PLA2G4D: variants seen among roughly 807,000 people sequenced by gnomAD.
PLA2G4D encodes phospholipase A2 group IVD.
A neutral mutation model predicts 94.4 loss-of-function variants in PLA2G4D; 80 were observed. The observed-to-expected ratio is 0.85, with a 90% CI of 0.71 to 1.02. The LOEUF (loss-of-function observed/expected upper bound fraction) is 1.02, where lower values mean the gene tolerates loss of function less well. Among genes scored for constraint, PLA2G4D ranks in the 50% least tolerant of loss-of-function variants. The pLI, the probability that PLA2G4D is intolerant of heterozygous loss-of-function variation, is 0.00. For synonymous variants in PLA2G4D, 438 were observed against 440.9 expected, an observed-to-expected ratio of 0.99 and a Z score of 0.08; for missense variants, 1,050 against 1,034.7, an observed-to-expected ratio of 1.01 and a Z score of -0.20.
Position 42,079,675 on chromosome 15 carries a change from G to A in PLA2G4D, c.1179C>T (p.Ala393=). The A allele has an allele frequency of 6.2e-7, 1 of 1,612,986 alleles. No homozygotes were observed. ...GPIRYAREHL[A]KSKLEVFSPE... ...GGGAAAAGACCTCCAGCTTGCTCTT[G>A]GCCAGGTGCTCCCGGGCGTATCTGA... The change falls in exon 13 of 20, where the codon GCC becomes GCT. Residue 393 remains alanine, a synonymous_variant. Coordinates refer to ENST00000290472, the MANE Select transcript of PLA2G4D (RefSeq NM_178034.4).
chr15:42,093,249 A>G (rs908989200), intron 1 of PLA2G4D, among the ~76,000 whole-genome samples: 1 of 152,220 alleles, frequency 6.6e-6, no homozygotes, highest in Non-Finnish European at 1.5e-5. Flanking sequence ...TGTGAATGCC[A>G]GCTGGAGGCG....
In PLA2G4D at chr15:42,070,095, C is replaced by T; in HGVS notation, c.2044G>A (p.Ala682Thr). The change falls in exon 19 of 20, where the codon GCA becomes ACA. Residue 682 changes from alanine (A) to threonine (T), a missense_variant and splice_region_variant. Coordinates refer to ENST00000290472, the MANE Select transcript of PLA2G4D (RefSeq NM_178034.4). ...FDYSLSAPFE[A>T]LQQTELYCRA... ...CAGTACAGCTCCGTCTGCTGCAGTG[C>T]CTGGTGGGGAGAAGGTGGCCCGGAG... 1.3e-6 allele frequency: 2 copies of T among 1,503,930 alleles called. No individual in the cohort carries two copies. Among genetic ancestry groups the T allele is most frequent in the South Asian group, 2.6e-5 (2 of 76,890 alleles). The allele number at this position is 1,503,930 out of a possible 1,614,324, so 93.2% of individuals were successfully genotyped here.
chr15:42,077,772 C>T (rs111477423), intron 13 of PLA2G4D, among the ~76,000 whole-genome samples: 23 of 152,368 alleles, frequency 1.5e-4, no homozygotes, highest in Non-Finnish European at 2.4e-4. Flanking sequence ...CCAGGGCCTA[C>T]GCCCATAACA....
chr15:42,089,978 C>T (rs113126509), intron 1 of PLA2G4D, among the ~76,000 whole-genome samples: 2,974 of 152,258 alleles, frequency 0.02, 102 homozygotes, highest in African/African-American at 0.068. Flanking sequence ...AGAAAAATCC[C>T]GATTCTCTTC....
At chr15:42,091,139 T>C (rs773723815) in intron 1 of PLA2G4D, among the ~76,000 whole-genome samples, 1 of 152,150 alleles carries the variant, frequency 6.6e-6, no homozygotes, top group Non-Finnish European at 1.5e-5. Context: ...GTACTAACCA[T>C]ATTACCTACC....
At position 42,081,005 on chromosome 15, in the gene PLA2G4D, G is replaced by C; in HGVS notation, c.1086C>G (p.Gly362=). 1 of 1,613,942 alleles carries C rather than the reference G, an allele frequency of 6.2e-7. No homozygotes were observed. Among genetic ancestry groups the C allele is most frequent in the Non-Finnish European group, 8.5e-7 (1 of 1,179,900 alleles). Residue 362 remains glycine (G), a synonymous_variant, in exon 12 of 20, where the codon GGC becomes GGG. Transcript: ENST00000290472. ...DCVTYFSGIS[G]STWTMAHLYG... ...TCCCCCAGGATCCTCACCACGTAGAGCCAGAGATGCCACTGAAGTAGGTCA... is the reference window on the plus strand; with the variant it reads ...TCCCCCAGGATCCTCACCACGTAGACCCAGAGATGCCACTGAAGTAGGTCA...
Position 42,070,825 on chromosome 15 carries a change from C to G in PLA2G4D, c.1935G>C (p.Leu645=). The G allele has an allele frequency of 6.2e-7, 1 of 1,611,178 alleles. No homozygotes were observed. The highest frequency in any genetic ancestry group is 1.1e-5 in the South Asian group (1 of 90,218). ...TGTTGATGAAGTAGGCGGCGTCCACCAGGCAGAGCCGGGGCTCCTTGGGGG... is the reference window on the plus strand; with the variant it reads ...TGTTGATGAAGTAGGCGGCGTCCACGAGGCAGAGCCGGGGCTCCTTGGGGG... The part of the protein sequence containing the change: ...QLTPKEPRLC[L]VDAAYFINTS... The change falls in exon 18 of 20, where the codon CTG becomes CTC. Residue 645 remains leucine, a synonymous_variant. Transcript: ENST00000290472.
At chr15:42,070,679 G>A in intron 18 of PLA2G4D, 38 bp downstream of exon 18, 11 of 1,540,934 alleles carry the variant, frequency 7.1e-6, no homozygotes, top group Non-Finnish European at 9.7e-6. Context: ...AGCTTGGCCT[G>A]GCTGGGCAGA....
At chr15:42,092,815 C>T (rs894522066) in intron 1 of PLA2G4D, among the ~76,000 whole-genome samples, 41 of 152,192 alleles carry the variant, frequency 2.7e-4, no homozygotes, top group African/African-American at 9.7e-4. Context: ...GGAGATGTGG[C>T]CCAAGAGAGC....
Position 42,083,713 on chromosome 15 carries a change from C to A in PLA2G4D, c.535+3G>T. On this transcript the variant is annotated splice_donor_region_variant and intron_variant, in intron 7 of 19. Transcript: ENST00000290472. Reference sequence around the variant, plus strand: ...TCCAGGCCTGGTTCTAAGCTGGTCTCACCTGCAACCACAGCGGTGCTCCCT... The same window carrying A: ...TCCAGGCCTGGTTCTAAGCTGGTCTAACCTGCAACCACAGCGGTGCTCCCT... 6.2e-7 allele frequency: 1 copy of A among 1,614,018 alleles called. No homozygotes were observed. Among genetic ancestry groups the A allele is most frequent in the Non-Finnish European group, 8.5e-7 (1 of 1,179,998 alleles).
chr15:42,087,289 CG>C lies in PLA2G4D; in HGVS notation c.255+10del, dbSNP rs771451923. On this transcript the variant is annotated intron_variant, in intron 3 of 19. Coordinates refer to ENST00000290472, the MANE Select transcript of PLA2G4D (RefSeq NM_178034.4). ...TTCACAAGGGAGTGGCCAGGAGTCC[CG>C]GGCCTTCACCTTGACCTGACTTTGG... 3.7e-6 allele frequency: 6 copies of C among 1,613,832 alleles called. No individual in the cohort carries two copies. In the African/African-American group the frequency reaches 8.0e-5, roughly 22 times the overall value.
Position 42,082,402 on chromosome 15 carries a change from C to T in PLA2G4D, c.673-13G>A. On this transcript the variant is annotated splice_polypyrimidine_tract_variant and intron_variant, in intron 8 of 19. Coordinates refer to ENST00000290472, the MANE Select transcript of PLA2G4D (RefSeq NM_178034.4). ...TGCTTCTGGAGCTCTGAAGGGAAAGCATCATTCATTCATTCATTCATTCAT... is the reference window on the plus strand; with the variant it reads ...TGCTTCTGGAGCTCTGAAGGGAAAGTATCATTCATTCATTCATTCATTCAT... The T allele has an allele frequency of 6.4e-7, 1 of 1,574,760 alleles. No individual in the cohort carries two copies. Among genetic ancestry groups the T allele is most frequent in the Non-Finnish European group, 8.7e-7 (1 of 1,145,142 alleles).
At chr15:42,083,567 G>C in intron 7 of PLA2G4D, 149 bp downstream of exon 7, 1 of 1,102,216 alleles carries the variant, frequency 9.1e-7, no homozygotes, top group Non-Finnish European at 1.3e-6. Flanking sequence ...CTGCCCAGCG[G>C]AGATGCGTGG....
Position 42,081,460 on chromosome 15 carries a change from T to C in PLA2G4D, c.957+19A>G. The stretch of plus-strand genomic sequence containing the variant: ...CCCGTCCAGGATATCTGCACACACA[T>C]CCCTCTGCACCCCCAGACCTCATCC... On this transcript the variant is annotated intron_variant, in intron 11 of 19. Transcript: ENST00000290472. 2 of 1,610,334 alleles carry C rather than the reference T, an allele frequency of 1.2e-6. No individual in the cohort carries two copies. Among genetic ancestry groups the C allele is most frequent in the Middle Eastern group, 1.7e-4 (1 of 6,040 alleles).
chr15:42,071,703 G>C, intron 15 of PLA2G4D, 71 bp downstream of exon 15: 1 of 1,548,188 alleles, frequency 6.5e-7, no homozygotes. Flanking sequence ...CCCCACCTGA[G>C]CTACAGGACC....
At chr15:42,085,606 G>A (rs1028321872) in intron 4 of PLA2G4D, 75 bp from the exon 5 acceptor site, 29 of 1,456,398 alleles carry the variant, frequency 2.0e-5, no homozygotes, top group Non-Finnish European at 2.7e-5. Context: ...TTTTACAGGT[G>A]TCATCTCATC....
At chr15:42,087,929 A>G (rs1890183718) in intron 1 of PLA2G4D, among the ~76,000 whole-genome samples, 1 of 152,222 alleles carries the variant, frequency 6.6e-6, no homozygotes, top group South Asian at 2.1e-4. Context: ...GCACACCCAG[A>G]TGTGGAATTT....
intron 11 of PLA2G4D, 129 bp from the exon 12 acceptor site, chr15:42,081,262 G>A (rs1187957104): frequency 1.4e-6 from 2 of 1,463,436 alleles, no homozygotes; most frequent in East Asian, 2.3e-5. Flanking sequence ...TAGAGTCAGG[G>A]TTAGAGCTGG....
chr15:42,084,660 C>A lies in PLA2G4D; in HGVS notation c.471+436G>T, dbSNP rs1004077772. 6.6e-6 allele frequency among the ~76,000 whole-genome samples: 1 copy of A among 152,156 alleles called. No homozygotes were observed. Among genetic ancestry groups the A allele is most frequent in the African/African-American group, 2.4e-5 (1 of 41,428 alleles). On this transcript the variant is annotated intron_variant, in intron 6 of 19. Transcript: ENST00000290472. The surrounding 1 kb of genome is among the most constrained non-coding windows in gnomAD (Gnocchi z 4.8). ...CCCAAGGAGGAGCTAGCTGCCTGAG[C>A]CTCTGATCCTCCTAGGTTGGCAGTA... is the stretch of plus-strand genomic sequence containing the variant.
Sources: allele counts gnomAD v4.1 joint callset (sites outside exome capture counted in the v4.1 genomes callset), GRCh38; gene constraint gnomAD v4.1.1; non-coding constraint Gnocchi (gnomAD v3.1); transcripts MANE v1.5; gene names NCBI Gene and HGNC (gene_info 2026-07-23, HGNC 2026-07-21).